GSN: variants seen among roughly 807,000 people sequenced by gnomAD.
GSN encodes actin-depolymerizing factor.
A neutral mutation model predicts 85.7 loss-of-function variants in GSN; 56 were observed. That is an observed-to-expected ratio of 0.65 (90% CI 0.53 to 0.82). The LOEUF (loss-of-function observed/expected upper bound fraction) is 0.82. Ranked by LOEUF, GSN falls within the 40% of genes least tolerant of loss-of-function variation. The pLI, the probability that GSN is intolerant of heterozygous loss-of-function variation, is 0.00. For missense variants in GSN, 857 were observed against 979.8 expected (o/e 0.87, Z 1.67); for synonymous variants, 373 against 399.1 (o/e 0.93, Z 0.78).
At chr9:121,242,320 G>C (rs1326707498) in intron 5 of GSN, among the ~76,000 whole-genome samples, 2 of 152,180 alleles carry the variant, frequency 1.3e-5, no homozygotes, top group Admixed American at 6.5e-5. Context: ...AAACAGAAAA[G>C]ATTCCCTTAA....
chr9:121,314,083 T>A, intron 7 of GSN, 60 bp downstream of exon 7: 10 of 1,307,248 alleles, frequency 7.6e-6, no homozygotes, highest in Non-Finnish European at 1.0e-5. Context: ...GTGGAAGACT[T>A]GGTCTTCCCC....
At chr9:121,221,298 T>G (rs2054165946) in intron 4 of GSN, among the ~76,000 whole-genome samples, 1 of 152,188 alleles carries the variant, frequency 6.6e-6, no homozygotes, top group Non-Finnish European at 1.5e-5. Flanking sequence ...AGCAGCCAGT[T>G]TTTCCTTCAG....
chr9:121,294,908 C>T (rs2059066736), intron 2 of GSN, among the ~76,000 whole-genome samples: 1 of 152,228 alleles, frequency 6.6e-6, no homozygotes, highest in South Asian at 2.1e-4. Flanking sequence ...CCAACAGTCT[C>T]ACTTCTGTTC....
At chr9:121,235,742 C>T (rs1453876327) in intron 5 of GSN, among the ~76,000 whole-genome samples, 1 of 152,170 alleles carries the variant, frequency 6.6e-6, no homozygotes, top group East Asian at 1.9e-4. Context: ...TGACACGTGA[C>T]TCCCACTTCA....
intron 5 of GSN, among the ~76,000 whole-genome samples, chr9:121,245,080 A>G (rs780387771): frequency 1.3e-5 from 2 of 152,168 alleles, no homozygotes; most frequent in Non-Finnish European, 2.9e-5. Context: ...AATTAAAATG[A>G]CCCTGTGTGT....
upstream of GSN, among the ~76,000 whole-genome samples, chr9:121,267,430 CT>C (rs1448293475): frequency 3.9e-5 from 6 of 152,162 alleles, no homozygotes; most frequent in Non-Finnish European, 7.4e-5. Flanking sequence ...TGTCATTGTG[CT>C]GAGAGTCTTT....
chr9:121,260,893 G>A (rs2055069308), intron 6 of GSN, among the ~76,000 whole-genome samples: 2 of 152,188 alleles, frequency 1.3e-5, no homozygotes, highest in Non-Finnish European at 2.9e-5. Flanking sequence ...GGAAGGGGAG[G>A]AGGAGAAAGG....
chr9:121,331,737 A>C (rs2063932077), intron 17 of GSN: 1 of 336,466 alleles, frequency 3.0e-6, no homozygotes, highest in African/African-American at 2.1e-5. Context: ...AATACTCAGA[A>C]GCTGAACTTG....
intron 4 of GSN, among the ~76,000 whole-genome samples, chr9:121,217,377 A>AT (rs1445882190): frequency 2.8e-4 from 43 of 152,036 alleles, no homozygotes; most frequent in Admixed American, 5.9e-4. Flanking sequence ...AAAAAAAAAA[A>AT]AATAACTTTT....
rs1230584831 is a variant in GSN at position 121,318,502 on chromosome 9, T to C, written c.975+8T>C. On this transcript the variant is annotated splice_region_variant and intron_variant, in intron 9 of 17. Coordinates refer to ENST00000432226, the MANE Select transcript of GSN (RefSeq NM_198252.3). This position sits in a 1 kb window ranked among gnomAD's most constrained non-coding sequence, Gnocchi z 4.3. ...TACCCCAAGCAGACTCAGGTGAGTC[T>C]TGGAGGCCAGGTAGGATGGGAAGGG... 1.9e-6 allele frequency: 3 copies of C among 1,608,782 alleles called. No homozygotes were observed. The highest frequency in any genetic ancestry group is 2.6e-6 in the Non-Finnish European group (3 of 1,175,188).
chr9:121,214,443 G>A (rs1335173512), intron 4 of GSN, among the ~76,000 whole-genome samples: 2 of 152,144 alleles, frequency 1.3e-5, no homozygotes, highest in Non-Finnish European at 2.9e-5. Flanking sequence ...AATTTTCAAA[G>A]CATTGTGGGA....
chr9:121,242,954 G>T (rs2054633572), intron 5 of GSN, among the ~76,000 whole-genome samples: 1 of 152,098 alleles, frequency 6.6e-6, no homozygotes, highest in East Asian at 1.9e-4. Context: ...TACATCTCTG[G>T]CAGGAACATA....
chr9:121,257,146 AAG>A (rs990798162), intron 6 of GSN, among the ~76,000 whole-genome samples: 2 of 152,192 alleles, frequency 1.3e-5, no homozygotes, highest in Non-Finnish European at 2.9e-5. Flanking sequence ...AATTAAAAAA[AAG>A]AGTAAGAAAC....
chr9:121,310,787 T>C lies in GSN; in HGVS notation c.455T>C (p.Val152Ala). 1 of 1,614,104 alleles carries C rather than the reference T, an allele frequency of 6.2e-7. No individual in the cohort carries two copies. The highest frequency in any genetic ancestry group is 8.5e-7 in the Non-Finnish European group (1 of 1,179,984). Residue 152 changes from valine (V) to alanine (A), a missense_variant, in exon 5 of 18, where the codon GTA (valine) becomes GCA (alanine). Physicochemically the swap from Val to Ala is moderately conservative, Grantham distance 64 (BLOSUM62 0). Transcript: ENST00000432226. ...CGGCGTGTGGTCCGTGCCACCGAGG[T>C]ACCTGTGTCCTGGGAGAGCTTCAAC... is the stretch of plus-strand genomic sequence containing the variant. ...KGRRVVRATE[V>A]PVSWESFNNG...
chr9:121,326,438 T>C, intron 12 of GSN, 74 bp from the exon 13 acceptor site: 1 of 1,218,838 alleles, frequency 8.2e-7, no homozygotes, highest in Middle Eastern at 2.6e-4. Flanking sequence ...TCTGGAGGGA[T>C]GGGCCCAGTG....
intron 6 of GSN, among the ~76,000 whole-genome samples, chr9:121,252,688 G>A (rs762676676): frequency 1.2e-4 from 19 of 152,194 alleles, no homozygotes; most frequent in Non-Finnish European, 2.8e-4. Flanking sequence ...CAATATGGTG[G>A]CCTCTGCATC....
chr9:121,320,300 G>A (rs1391725709), intron 10 of GSN, among the ~76,000 whole-genome samples: 1 of 152,180 alleles, frequency 6.6e-6, no homozygotes, highest in Non-Finnish European at 1.5e-5. Context: ...TGCCAGCAGG[G>A]GTCACACTGA....
chr9:121,301,302 T>A (rs972591198), intron 2 of GSN, among the ~76,000 whole-genome samples: 1 of 152,140 alleles, frequency 6.6e-6, no homozygotes, highest in Non-Finnish European at 1.5e-5. Context: ...CATCTCTCTG[T>A]GCCTCGGTTA....
intron 2 of GSN, chr9:121,282,128 G>T: frequency 2.1e-6 from 1 of 469,062 alleles, no homozygotes; most frequent in East Asian, 5.3e-5. Context: ...TAGGTGGGGA[G>T]GTGGGGGGAG....
Sources: allele counts gnomAD v4.1 joint callset (sites outside exome capture counted in the v4.1 genomes callset), GRCh38; gene constraint gnomAD v4.1.1; non-coding constraint Gnocchi (gnomAD v3.1); transcripts MANE v1.5; gene names NCBI Gene and HGNC (gene_info 2026-07-23, HGNC 2026-07-21).